Variants in MYRFL observed in about 807,000 individuals in gnomAD.
MYRFL encodes the protein myelin regulatory factor like, also known as myelin regulatory factor-like protein.
In MYRFL, 88 loss-of-function variants were observed where a neutral mutation model predicts 109.4. The ratio of observed to expected loss-of-function variants is 0.80; its 90% confidence interval spans 0.68 to 0.96. MYRFL has a LOEUF of 0.96. Ranked by LOEUF, MYRFL falls within the 40% of genes least tolerant of loss-of-function variation. MYRFL has a pLI of 0.00. For synonymous variants in MYRFL, 324 were observed against 320.9 expected (o/e 1.01, Z -0.10); for missense variants, 957 against 954.9 (o/e 1.00, Z -0.03).
rs534836989 is a variant in MYRFL, at chr12:69,898,355, T to C, written c.1182+1109T>C. 1.3e-4 allele frequency among the ~76,000 whole-genome samples: 20 copies of C among 152,334 alleles called. No homozygotes were observed. The East Asian group carries it at 3.5e-3, about 26-fold the overall frequency. Reference sequence around the variant, plus strand: ...TGATAGAAATGAGGTAAAACACGTATGTGTTCAGCAATCCCAGGGTTAGGG... The same window carrying C: ...TGATAGAAATGAGGTAAAACACGTACGTGTTCAGCAATCCCAGGGTTAGGG... On this transcript the variant is annotated intron_variant, in intron 10 of 24. Coordinates refer to ENST00000552032, the MANE Select transcript of MYRFL (RefSeq NM_182530.3).
intron 16 of MYRFL, chr12:69,935,868 T>C (rs780162943): frequency 9.9e-6 from 5 of 504,344 alleles, no homozygotes; most frequent in Non-Finnish European, 1.7e-5. Context: ...GGCTGCTCTA[T>C]GTGGAAAAAT....
chr12:69,939,227 C>T (rs1474661761), intron 19 of MYRFL, among the ~76,000 whole-genome samples: 24 of 151,818 alleles, frequency 1.6e-4, no homozygotes, highest in Admixed American at 5.2e-4. Context: ...GTAGGCTCCA[C>T]CTCTGGGGGC....
chr12:69,884,939 G>A (rs1886351812), intron 5 of MYRFL, among the ~76,000 whole-genome samples: 1 of 152,108 alleles, frequency 6.6e-6, no homozygotes, highest in Non-Finnish European at 1.5e-5. Flanking sequence ...AAGATTGCTT[G>A]GCCCTTAAGT....
At chr12:69,953,466 G>A (rs1251697683) in intron 21 of MYRFL, among the ~76,000 whole-genome samples, 1 of 152,134 alleles carries the variant, frequency 6.6e-6, no homozygotes, top group African/African-American at 2.4e-5. Flanking sequence ...GCCAGTTGTA[G>A]GGATTAAGAA....
chr12:69,905,685 A>G (rs1012766889), intron 11 of MYRFL, among the ~76,000 whole-genome samples: 4 of 152,236 alleles, frequency 2.6e-5, no homozygotes, highest in African/African-American at 9.6e-5. Flanking sequence ...AGTCTAAGCA[A>G]AGAGAAATTA....
At chr12:69,906,570 AG>A (rs150841180) in intron 11 of MYRFL, among the ~76,000 whole-genome samples, 26,953 of 152,064 alleles carry the variant, frequency 0.18, 3,323 homozygotes, top group African/African-American at 0.35. Flanking sequence ...AAGCCAGAAA[AG>A]GGAATCGTTA....
rs555318687 is a variant in MYRFL, at chr12:69,892,326, C to G, written c.903+1160C>G. Among the ~76,000 whole-genome samples the G allele has an allele frequency of 1.5e-3, 222 of 152,302 alleles. 1 individual carries two copies. The highest frequency in any genetic ancestry group is 6.8e-3 in the Middle Eastern group (2 of 294). ...GGAGGTAATATGACTTCTGAGTGAT[C>G]AAAAAGTATTTCTTAAATTGTAACT... is the stretch of plus-strand genomic sequence containing the variant. On this transcript the variant is annotated intron_variant, in intron 7 of 24. Coordinates refer to ENST00000552032, the MANE Select transcript of MYRFL (RefSeq NM_182530.3).
chr12:69,935,196 T>TG (rs1762877322), intron 16 of MYRFL, among the ~76,000 whole-genome samples: 1 of 147,892 alleles, frequency 6.8e-6, no homozygotes, highest in Admixed American at 7.0e-5. Context: ...CACAGTTTTT[T>TG]TTTGTGTATC....
intron 5 of MYRFL, among the ~76,000 whole-genome samples, chr12:69,885,294 A>G (rs991528247): frequency 6.6e-5 from 10 of 151,776 alleles, no homozygotes; most frequent in African/African-American, 2.2e-4. Context: ...AGTGACATTT[A>G]ATAGCAATAC....
chr12:69,890,982 G>T lies in MYRFL; in HGVS notation c.719G>T (p.Gly240Val). 1.3e-6 allele frequency: 2 copies of T among 1,520,522 alleles called. No homozygotes were observed. Among genetic ancestry groups the T allele is most frequent in the Non-Finnish European group, 1.8e-6 (2 of 1,140,124 alleles). The allele number at this position is 1,520,522 out of a possible 1,614,324, so 94.2% of individuals were successfully genotyped here. ...TTCTCTTTTCATAGACCTGATGTGG[G>T]CTATCGAGTTGTAACAGACAAAGGA... ...NSHYEKLPDV[G>V]YRVVTDKGFN... The change falls in exon 7 of 25, where the codon GGC becomes GTC. Residue 240 changes from glycine (G) to valine (V), a missense_variant. Transcript: ENST00000552032.
At chr12:69,946,959 C>T (rs975487209) in intron 19 of MYRFL, 1 of 152,290 alleles carries the variant, frequency 6.6e-6, no homozygotes, top group African/African-American at 2.4e-5. Context: ...TCTGCCTCCT[C>T]CTGGCAAGTT....
chr12:69,928,708 A>T (rs1955176807), intron 15 of MYRFL, among the ~76,000 whole-genome samples: 1 of 152,314 alleles, frequency 6.6e-6, no homozygotes, highest in Non-Finnish European at 1.5e-5. Context: ...GGAAATAGGG[A>T]CAATTATAGT....
At chr12:69,936,848 T>C (rs564231828) in intron 19 of MYRFL, among the ~76,000 whole-genome samples, 11 of 152,352 alleles carry the variant, frequency 7.2e-5, no homozygotes, top group South Asian at 2.1e-4. Flanking sequence ...CAAGTACTTA[T>C]AATTTTCACC....
At chr12:69,903,569 T>TG in intron 10 of MYRFL, 75 bp from the exon 11 acceptor site, 4 of 1,412,996 alleles carry the variant, frequency 2.8e-6, no homozygotes, top group Non-Finnish European at 3.8e-6. Flanking sequence ...AGTTTGCCTT[T>TG]GCTCTGAACA....
intron 6 of MYRFL, among the ~76,000 whole-genome samples, chr12:69,890,454 G>A (rs1886729829): frequency 1.3e-5 from 2 of 152,186 alleles, no homozygotes; most frequent in African/African-American, 2.4e-5. Flanking sequence ...ACTTCTGGCC[G>A]GGTGTGGTAG....
chr12:69,867,433 G>A lies in MYRFL; in HGVS notation c.138-11595G>A, dbSNP rs944083334. Among the ~76,000 whole-genome samples, 3 of 152,184 alleles carry A rather than the reference G, an allele frequency of 2.0e-5. No individual in the cohort carries two copies. In the East Asian group the frequency reaches 5.8e-4, roughly 29 times the overall value. On this transcript the variant is annotated intron_variant, in intron 2 of 24. Transcript: ENST00000552032. ...AATGCAGTTTGGTTTGAGTCAGTGT[G>A]CTTAGTAGGGGTAGATAAAATGAGC...
chr12:69,900,405 A>G (rs1412891663), intron 10 of MYRFL, among the ~76,000 whole-genome samples: 2 of 152,200 alleles, frequency 1.3e-5, no homozygotes, highest in Non-Finnish European at 2.9e-5. Context: ...CCAGGAGTAC[A>G]TGGCATAAAG....
At chr12:69,947,148 G>A (rs766160072) in intron 19 of MYRFL, 4 of 152,030 alleles carry the variant, frequency 2.6e-5, no homozygotes, top group Non-Finnish European at 5.9e-5. Flanking sequence ...TGTTTCTAAA[G>A]CATTAAAGAC....
At chr12:69,844,476 C>A (rs1019482546) in intron 1 of MYRFL, among the ~76,000 whole-genome samples, 1 of 152,210 alleles carries the variant, frequency 6.6e-6, no homozygotes, top group African/African-American at 2.4e-5. Flanking sequence ...TAAACAGATT[C>A]TTCCCTCCAT....
Sources: gnomAD v4.1 joint callset for allele counts (sites outside exome capture counted in the v4.1 genomes callset) on GRCh38, gnomAD v4.1.1 for gene constraint, MANE v1.5 for transcripts, NCBI Gene and HGNC (gene_info 2026-07-23, HGNC 2026-07-21) for gene names.